Variants in KCNQ3 observed in about 807,000 individuals in gnomAD.
KCNQ3 encodes the protein potassium voltage-gated channel subfamily KQT member 3.
In KCNQ3, 30 loss-of-function variants were observed where a neutral mutation model predicts 92.5. The observed-to-expected ratio is 0.32, with a 90% confidence interval of 0.24 to 0.44. KCNQ3 has a LOEUF of 0.44. KCNQ3 is among the 20% of genes least tolerant of loss of function. The pLI is 1.00. For synonymous variants in KCNQ3, 450 were observed against 468.8 expected, an observed-to-expected ratio of 0.96 and a Z score of 0.52; for missense variants, 913 against 1,140.3, an observed-to-expected ratio of 0.80 and a Z score of 2.87.
chr8:132,405,186 CAG>C (rs764793111), intron 1 of KCNQ3, among the ~76,000 whole-genome samples: 7 of 152,212 alleles, frequency 4.6e-5, no homozygotes, highest in Non-Finnish European at 1.0e-4. Flanking sequence ...AAGAAGCAGC[CAG>C]AGAGGAGAGA....
chr8:132,200,586 T>C (rs1230884132), intron 1 of KCNQ3, among the ~76,000 whole-genome samples: 1 of 152,232 alleles, frequency 6.6e-6, no homozygotes, highest in Non-Finnish European at 1.5e-5. Context: ...TCGTGTTAGA[T>C]AATGGAGCAT....
intron 1 of KCNQ3, among the ~76,000 whole-genome samples, chr8:132,278,469 A>G (rs1252805127): frequency 1.3e-5 from 2 of 152,168 alleles, no homozygotes; most frequent in East Asian, 3.9e-4. Context: ...AGTAAGACCA[A>G]CTCTCAACTT....
At chr8:132,269,106 T>C (rs897238469) in intron 1 of KCNQ3, among the ~76,000 whole-genome samples, 4 of 152,224 alleles carry the variant, frequency 2.6e-5, no homozygotes, top group Non-Finnish European at 5.9e-5. Context: ...TCTTTGTATA[T>C]TTGGACAACA....
At chr8:132,235,931 A>C (rs997885800) in intron 1 of KCNQ3, among the ~76,000 whole-genome samples, 1 of 146,740 alleles carries the variant, frequency 6.8e-6, no homozygotes, top group African/African-American at 2.4e-5. Context: ...CATCTGACAC[A>C]TGACTTGGCA....
intron 1 of KCNQ3, among the ~76,000 whole-genome samples, chr8:132,300,088 A>AACATGCCTGCAACACAGCAAACACAGTC (rs1817167238): frequency 6.6e-6 from 1 of 152,222 alleles, no homozygotes; most frequent in Non-Finnish European, 1.5e-5. Context: ...TGTCTCCAAT[A>AACATGCCTGCAACACAGCAAACACAGTC]ACATGCCTGC....
At chr8:132,216,929 AG>A (rs1814050726) in intron 1 of KCNQ3, among the ~76,000 whole-genome samples, 1 of 152,122 alleles carries the variant, frequency 6.6e-6, no homozygotes, top group Admixed American at 6.6e-5. Context: ...GAATTTTGCA[AG>A]GCTGGTAAAC....
intron 1 of KCNQ3, among the ~76,000 whole-genome samples, chr8:132,335,334 C>T (rs1818340830): frequency 6.6e-6 from 1 of 152,144 alleles, no homozygotes; most frequent in Admixed American, 6.5e-5. Flanking sequence ...TCACCGCGCC[C>T]AGCCCATCTT....
At chr8:132,346,609 T>C (rs1358640872) in intron 1 of KCNQ3, among the ~76,000 whole-genome samples, 1 of 152,238 alleles carries the variant, frequency 6.6e-6, no homozygotes, top group African/African-American at 2.4e-5. Context: ...ATGCTTACTA[T>C]ATTTGAGCTG....
chr8:132,224,661 G>A (rs947917267), intron 1 of KCNQ3, among the ~76,000 whole-genome samples: 2 of 152,134 alleles, frequency 1.3e-5, no homozygotes, highest in Non-Finnish European at 2.9e-5. Context: ...GGCTCATTAA[G>A]TTAAAGGGAA....
chr8:132,429,558 C>T (rs1480994171), intron 1 of KCNQ3, among the ~76,000 whole-genome samples: 3 of 152,076 alleles, frequency 2.0e-5, no homozygotes, highest in South Asian at 2.1e-4. Flanking sequence ...GAAGAAAGAG[C>T]CCTAAGAATG....
intron 12 of KCNQ3, among the ~76,000 whole-genome samples, chr8:132,135,977 G>T (rs1825069694): frequency 6.6e-6 from 1 of 151,584 alleles, no homozygotes; most frequent in African/African-American, 2.4e-5. Flanking sequence ...AAATTAGCCG[G>T]GTATGGTGGC....
At chr8:132,156,829 G>A (rs1241267351) in intron 9 of KCNQ3, among the ~76,000 whole-genome samples, 3 of 152,164 alleles carry the variant, frequency 2.0e-5, no homozygotes, top group Non-Finnish European at 2.9e-5. Flanking sequence ...TTGAATTAGG[G>A]TGGGCCTGTA....
chr8:132,373,993 G>T (rs562441896), intron 1 of KCNQ3, among the ~76,000 whole-genome samples: 1 of 152,208 alleles, frequency 6.6e-6, no homozygotes, highest in East Asian at 1.9e-4. Flanking sequence ...CAGGGTGCAT[G>T]TTCTCCCGGG....
At chr8:132,312,510 T>G (rs1225294128) in intron 1 of KCNQ3, among the ~76,000 whole-genome samples, 2 of 152,258 alleles carry the variant, frequency 1.3e-5, no homozygotes, top group East Asian at 3.9e-4. Context: ...GGTTGAGGTC[T>G]TTCATGTGCT....
intron 1 of KCNQ3, among the ~76,000 whole-genome samples, chr8:132,449,634 G>T (rs1664578350): frequency 6.6e-6 from 1 of 152,150 alleles, no homozygotes; most frequent in Admixed American, 6.5e-5. Context: ...CCTGGGTCAT[G>T]TGCTTACTCC....
At position 132,126,768 on chromosome 8, in the gene KCNQ3, G is replaced by T. The variant is rs182292153; in HGVS notation, c.*2494C>A. The T allele has an allele frequency of 9.7e-4, 147 of 152,174 alleles. 1 individual carries two copies. The highest frequency in any genetic ancestry group is 3.4e-3 in the African/African-American group (140 of 41,530). The allele number at this position is 152,174 out of a possible 1,614,324, so 9.4% of individuals were successfully genotyped here. On this transcript the variant is annotated 3_prime_UTR_variant, in exon 15 of 15. Coordinates refer to ENST00000388996, the MANE Select transcript of KCNQ3 (RefSeq NM_004519.4). ...TAATACAAGCTCCAATCCTTTCTAG[G>T]TTATTAAAAGAATCTAAGGTAGTTC...
At chr8:132,352,712 T>G (rs1422707970) in intron 1 of KCNQ3, among the ~76,000 whole-genome samples, 3 of 152,206 alleles carry the variant, frequency 2.0e-5, no homozygotes, top group Non-Finnish European at 2.9e-5. Context: ...ATTACGCTAT[T>G]TTAACACTGT....
At chr8:132,422,583 C>A (rs1034716388) in intron 1 of KCNQ3, among the ~76,000 whole-genome samples, 3 of 152,166 alleles carry the variant, frequency 2.0e-5, no homozygotes, top group Non-Finnish European at 2.9e-5. Context: ...TCTCAGGACA[C>A]GTGATCCTCC....
chr8:132,449,005 C>T (rs574177235), intron 1 of KCNQ3, among the ~76,000 whole-genome samples: 7 of 152,246 alleles, frequency 4.6e-5, no homozygotes, highest in African/African-American at 1.4e-4. Context: ...GCACCGGCTT[C>T]GGTGTAGACT....
Sources: allele counts gnomAD v4.1 joint callset (sites outside exome capture counted in the v4.1 genomes callset), GRCh38; gene constraint gnomAD v4.1.1; transcripts MANE v1.5; gene names NCBI Gene and HGNC (gene_info 2026-07-23, HGNC 2026-07-21).